CEBPZOS: variants seen among roughly 807,000 people sequenced by gnomAD.
CEBPZOS encodes the protein CEBPZ opposite strand.
CEBPZOS carries 10 observed loss-of-function variants against 4.8 expected under a neutral mutation model. That is an observed-to-expected ratio of 2.07 (90% CI 1.28 to 3.52). CEBPZOS has a LOEUF of 3.52. Ranked by LOEUF, CEBPZOS falls within the 30% of genes most tolerant of loss-of-function variation. The pLI is 0.00. For synonymous variants in CEBPZOS, 25 were observed against 14.2 expected, an observed-to-expected ratio of 1.77 and a Z score of -1.72; for missense variants, 98 against 43.6, an observed-to-expected ratio of 2.25 and a Z score of -3.51.
intron 3 of CEBPZOS, 94 bp from the exon 4 acceptor site, chr2:37,201,548 G>T: frequency 3.2e-6 from 2 of 625,048 alleles, no homozygotes; most frequent in Non-Finnish European, 2.9e-6. Context: ...TTGTTATGTA[G>T]CAATATGGAA....
chr2:37,199,675 G>C, intron 1 of CEBPZOS, 29 bp from the exon 2 acceptor site: 2 of 712,390 alleles, frequency 2.8e-6, no homozygotes, highest in Non-Finnish European at 5.2e-6. Context: ...TGTTCATTCA[G>C]GTTTACACAT....
At chr2:37,200,959 G>A (rs1677199268) in intron 2 of CEBPZOS, 89 bp from the exon 3 acceptor site, 1 of 680,882 alleles carries the variant, frequency 1.5e-6, no homozygotes, top group East Asian at 2.7e-5. Context: ...CCCATCATAT[G>A]GACCCTAAAG....
chr2:37,216,170 G>A (rs780398786), downstream of CEBPZOS: 2 of 1,612,974 alleles, frequency 1.2e-6, no homozygotes, highest in South Asian at 2.2e-5. Context: ...TTAATAAAAT[G>A]TTTTCTTTTC....
chr2:37,214,007 A>C, downstream of CEBPZOS: 1 of 1,045,160 alleles, frequency 9.6e-7, no homozygotes, highest in Non-Finnish European at 1.3e-6. Flanking sequence ...TAAAGGTCTA[A>C]TCTTACTATA....
chr2:37,201,783 G>A (rs1558462311), intron 4 of CEBPZOS, 57 bp downstream of exon 4: 1 of 1,487,746 alleles, frequency 6.7e-7, no homozygotes, highest in Non-Finnish European at 9.4e-7. Flanking sequence ...TTGTTTTTTA[G>A]TTTTTTGAGT....
chr2:37,210,648 G>C (rs1257911572), intron 4 of CEBPZOS: 1 of 172,404 alleles, frequency 5.8e-6, no homozygotes, highest in Non-Finnish European at 1.2e-5. Flanking sequence ...TGGGGGATAA[G>C]AGTACACATT....
chr2:37,212,967 A>T (rs1474175879), intron 4 of CEBPZOS, among the ~76,000 whole-genome samples: 2 of 152,002 alleles, frequency 1.3e-5, no homozygotes, highest in Middle Eastern at 3.2e-3. Context: ...TGAGCCCAGA[A>T]GGTCTAGGCT....
intron 4 of CEBPZOS, chr2:37,212,737 T>C: frequency 4.1e-6 from 1 of 244,634 alleles, no homozygotes; most frequent in Non-Finnish European, 7.9e-6. Flanking sequence ...ATAGGTGTGA[T>C]ACAATATGTA....
At chr2:37,197,567 G>A (rs1369270282) in intron 1 of CEBPZOS, among the ~76,000 whole-genome samples, 4 of 152,122 alleles carry the variant, frequency 2.6e-5, no homozygotes, top group Admixed American at 6.5e-5. Flanking sequence ...TTCATTCCTT[G>A]AACATTAAAA....
chr2:37,203,049 T>A lies in CEBPZOS; in HGVS notation c.*1189T>A. On this transcript the variant is annotated 3_prime_UTR_variant, in exon 5 of 5. Transcript: ENST00000402297. ...AGTCTACATTATTCAATTATAAATC[T>A]AATGATTTTAGAAAAATGCAATGCA... The A allele has an allele frequency of 1.5e-6, 2 of 1,323,632 alleles. No homozygotes were observed. The highest frequency in any genetic ancestry group is 2.1e-6 in the Non-Finnish European group (2 of 969,178). 82.0% of individuals were successfully genotyped at this position (1,323,632 alleles called of 1,614,324 possible).
chr2:37,199,374 A>G (rs895956122), intron 1 of CEBPZOS, among the ~76,000 whole-genome samples: 2 of 152,224 alleles, frequency 1.3e-5, no homozygotes, highest in African/African-American at 4.8e-5. Context: ...CTCCCAGTGC[A>G]GCTAAAAAAT....
chr2:37,209,935 G>C (rs1163233612), intron 4 of CEBPZOS: 1 of 151,882 alleles, frequency 6.6e-6, no homozygotes, highest in African/African-American at 2.4e-5. Flanking sequence ...AAGTCAGCAA[G>C]AAAAAAACAA....
At position 37,202,192 on chromosome 2, in the gene CEBPZOS, A is replaced by G. The variant is rs80052848; in HGVS notation, c.*332A>G. On this transcript the variant is annotated 3_prime_UTR_variant, in exon 5 of 5. Coordinates refer to ENST00000402297, the MANE Select transcript of CEBPZOS (RefSeq NM_001322374.2). ...AAAAACCAGTAACAATCAATATGTA[A>G]AAACGGCCCACTTCCCTAAAAAAAA... 748 of 234,538 alleles carry G rather than the reference A, an allele frequency of 3.2e-3. 19 individuals are homozygous for G. In the East Asian group the frequency reaches 0.035, roughly 11 times the overall value. The allele number at this position is 234,538 out of a possible 1,614,324, so 14.5% of individuals were successfully genotyped here.
chr2:37,210,002 T>A (rs966992970), intron 4 of CEBPZOS: 4 of 152,040 alleles, frequency 2.6e-5, no homozygotes, highest in Non-Finnish European at 4.4e-5. Context: ...GATATACAAA[T>A]GGTCAAGAAA....
chr2:37,202,713 AT>A lies in CEBPZOS; in HGVS notation c.*856del, dbSNP rs1221111613. 6 of 653,852 alleles carry A rather than the reference AT, an allele frequency of 9.2e-6. No individual in the cohort carries two copies. Among genetic ancestry groups the A allele is most frequent in the African/African-American group, 2.0e-5 (1 of 48,852 alleles). The allele number at this position is 653,852 out of a possible 1,614,324, so 40.5% of individuals were successfully genotyped here. A position where few individuals can be genotyped will look rare whatever the true frequency, so the allele number is the denominator to read the frequency against. Reference sequence around the variant, plus strand: ...AAAAAGAATAAATAAAATAACGAAAATTTCCTATCTTCTGAAGTTCCAAGCC... The same window carrying A: ...AAAAAGAATAAATAAAATAACGAAAATTCCTATCTTCTGAAGTTCCAAGCC... On this transcript the variant is annotated 3_prime_UTR_variant, in exon 5 of 5. Coordinates refer to ENST00000402297, the MANE Select transcript of CEBPZOS (RefSeq NM_001322374.2).
downstream of CEBPZOS, among the ~76,000 whole-genome samples, chr2:37,208,174 A>C (rs1677602267): frequency 6.6e-6 from 1 of 152,170 alleles, no homozygotes; most frequent in African/African-American, 2.4e-5. Flanking sequence ...TGCCAACAAA[A>C]CAAAGTCCAG....
chr2:37,212,046 A>G (rs890365172), intron 4 of CEBPZOS: 2 of 1,576,030 alleles, frequency 1.3e-6, no homozygotes, highest in African/African-American at 1.4e-5. Context: ...GTTTCTGGAA[A>G]AAAACACAAC....
downstream of CEBPZOS, chr2:37,216,006 C>A: frequency 2.2e-5 from 12 of 542,250 alleles, no homozygotes; most frequent in East Asian, 7.6e-5. Context: ...AATACCTATT[C>A]TTGGGAAAAA....
chr2:37,209,936 A>T (rs923535032), intron 4 of CEBPZOS: 1 of 152,198 alleles, frequency 6.6e-6, no homozygotes, highest in Non-Finnish European at 1.5e-5. Context: ...AGTCAGCAAG[A>T]AAAAAACAAT....
Sources: gnomAD v4.1 joint callset for allele counts (sites outside exome capture counted in the v4.1 genomes callset) on GRCh38, gnomAD v4.1.1 for gene constraint, MANE v1.5 for transcripts, NCBI Gene and HGNC (gene_info 2026-07-23, HGNC 2026-07-21) for gene names.